Variants in WDR75 observed in about 807,000 individuals in gnomAD.
WDR75 encodes the protein WD repeat-containing protein 75.
Under a neutral mutation model 106.1 loss-of-function variants are expected in WDR75, and 52 were observed. The observed-to-expected ratio is 0.49, with a 90% CI of 0.39 to 0.62. The LOEUF is 0.62. Ranked by LOEUF, WDR75 falls within the 20% of genes least tolerant of loss-of-function variation. WDR75 has a pLI of 0.00. For missense variants in WDR75, 905 were observed against 970.3 expected (o/e 0.93, Z 0.89); for synonymous variants, 333 against 335.5 (o/e 0.99, Z 0.08).
intron 2 of WDR75, chr2:189,450,145 C>A: frequency 1.0e-6 from 1 of 962,950 alleles, no homozygotes; most frequent in Non-Finnish European, 1.2e-6. Context: ...CCTCAGCATC[C>A]AAGCATATTA....
In WDR75 at chr2:189,459,395, T is replaced by G. The variant is rs750383389; in HGVS notation, c.749T>G (p.Met250Arg). The change falls in exon 8 of 21, where the codon ATG (methionine) becomes AGG (arginine). Residue 250 changes from methionine (M) to arginine (R), a missense_variant. Coordinates refer to ENST00000314761, the MANE Select transcript of WDR75 (RefSeq NM_032168.3). The stretch of plus-strand genomic sequence containing the variant: ...ACATGTTTACATTGGCACCATGATA[T>G]GGTTATGGATTTGGCTTTTTCAGTG... Reference protein sequence around the residue: ...TYTCLHWHHDMVMDLAFSVTG... With the variant: ...TYTCLHWHHDRVMDLAFSVTG... 1 of 1,612,526 alleles carries G rather than the reference T, an allele frequency of 6.2e-7. No individual in the cohort carries two copies. The highest frequency in any genetic ancestry group is 1.3e-5 in the African/African-American group (1 of 74,886).
At position 189,475,211 on chromosome 2, in the gene WDR75, A is replaced by T; in HGVS notation, c.2289-2A>T. The T allele has an allele frequency of 6.3e-7, 1 of 1,595,904 alleles. No individual in the cohort carries two copies. The highest frequency in any genetic ancestry group is 8.5e-7 in the Non-Finnish European group (1 of 1,169,862). On this transcript the variant is annotated splice_acceptor_variant, in intron 20 of 20. Coordinates refer to ENST00000314761, the MANE Select transcript of WDR75 (RefSeq NM_032168.3). LOFTEE classifies it high-confidence loss of function. ...TTATATTTTATTCTGTTATTGTTAAAGTGCTAAGGAAATTCCTGAAGATGT... is the reference window on the plus strand; with the variant it reads ...TTATATTTTATTCTGTTATTGTTAATGTGCTAAGGAAATTCCTGAAGATGT...
intron 20 of WDR75, 48 bp downstream of exon 20, chr2:189,474,856 G>A (rs1170543650): frequency 6.8e-7 from 1 of 1,461,244 alleles, no homozygotes; most frequent in Admixed American, 1.7e-5. Context: ...TTGGGAAACA[G>A]GATCGTTTGT....
At chr2:189,467,988 A>G (rs528935769) in intron 14 of WDR75, among the ~76,000 whole-genome samples, 2 of 152,094 alleles carry the variant, frequency 1.3e-5, no homozygotes, top group East Asian at 3.9e-4. Flanking sequence ...CGCCAACCTC[A>G]TTGTTTCCGA....
At chr2:189,473,860 T>C (rs1261736957) in intron 18 of WDR75, among the ~76,000 whole-genome samples, 1 of 152,222 alleles carries the variant, frequency 6.6e-6, no homozygotes, top group East Asian at 1.9e-4. Flanking sequence ...CATGTTACTG[T>C]TAAGGCCTTT....
chr2:189,462,692 G>A, intron 9 of WDR75, 50 bp downstream of exon 9: 1 of 1,556,516 alleles, frequency 6.4e-7, no homozygotes, highest in East Asian at 2.2e-5. Context: ...CCATAAATTA[G>A]CTAGCATCTG....
chr2:189,455,694 A>G, intron 5 of WDR75: 1 of 283,976 alleles, frequency 3.5e-6, no homozygotes, highest in Non-Finnish European at 6.4e-6. Context: ...TTTAGAAATT[A>G]TGGCCTCCCA....
intron 18 of WDR75, among the ~76,000 whole-genome samples, chr2:189,472,867 G>GT (rs1558990459): frequency 6.6e-6 from 1 of 151,860 alleles, no homozygotes; most frequent in Non-Finnish European, 1.5e-5. Context: ...TGTATTATAT[G>GT]TATTATATAC....
chr2:189,455,478 C>A, intron 5 of WDR75, 34 bp downstream of exon 5: 1 of 1,585,246 alleles, frequency 6.3e-7, no homozygotes, highest in East Asian at 2.2e-5. Context: ...CTGTTTTGTA[C>A]CTAAAATTTC....
In WDR75 at chr2:189,458,906, T is replaced by A. The variant is rs757298225; in HGVS notation, c.689+34T>A. On this transcript the variant is annotated intron_variant, in intron 7 of 20. Transcript: ENST00000314761. ...GCTCATGAAGAGCATGGCGATCATT[T>A]ATGTACTATTTTACGTTAGTCCTGT... 197 of 1,580,006 alleles carry A rather than the reference T, an allele frequency of 1.2e-4. 2 individuals are homozygous for A. The South Asian group carries it at 2.2e-3, about 17-fold the overall frequency.
Position 189,441,557 on chromosome 2 carries a change from C to G in WDR75, c.65C>G (p.Ala22Gly). 1.3e-6 allele frequency: 2 copies of G among 1,560,410 alleles called. No individual in the cohort carries two copies. Among genetic ancestry groups the G allele is most frequent in the Non-Finnish European group, 1.7e-6 (2 of 1,151,166 alleles). ...GGCAGCGAGTTGAACTTTAGGAGAG[C>G]TGTGTTCTCTGCAGATTCTAAGTAT... ...CGGSELNFRR[A>G]VFSADSKYIF... Residue 22 changes from alanine (A) to glycine (G), a missense_variant, in exon 1 of 21, where the codon GCT becomes GGT. Physicochemically the swap from Ala to Gly is moderately conservative, Grantham distance 60. Transcript: ENST00000314761.
At chr2:189,466,253 C>T (rs1431984370) in intron 12 of WDR75, among the ~76,000 whole-genome samples, 172 bp from the exon 13 acceptor site, 1 of 152,156 alleles carries the variant, frequency 6.6e-6, no homozygotes, top group East Asian at 1.9e-4. Flanking sequence ...TATTAGAACT[C>T]TTTGCGTCCT....
chr2:189,474,716 G>C lies in WDR75; in HGVS notation c.2197-1G>C. 5.0e-6 allele frequency: 8 copies of C among 1,613,666 alleles called. No homozygotes were observed. Among genetic ancestry groups the C allele is most frequent in the Non-Finnish European group, 6.8e-6 (8 of 1,179,742 alleles). On this transcript the variant is annotated splice_acceptor_variant, in intron 19 of 20. Coordinates refer to ENST00000314761, the MANE Select transcript of WDR75 (RefSeq NM_032168.3). LOFTEE classifies it high-confidence loss of function. ...CAACCGTGTTTTCTGTTTGACTCCA[G>C]CTTCTTCACACTCCAGCCCATGTCC...
At chr2:189,460,510 G>GT (rs776448300) in intron 8 of WDR75, among the ~76,000 whole-genome samples, 6,594 of 144,066 alleles carry the variant, frequency 0.046, 490 homozygotes, top group African/African-American at 0.15. Context: ...CCAGGCAGGG[G>GT]TTTTTTTTTT....
intron 5 of WDR75, 141 bp downstream of exon 5, chr2:189,455,585 T>G: frequency 8.4e-6 from 9 of 1,073,446 alleles, no homozygotes; most frequent in Non-Finnish European, 1.1e-5. Context: ...GCCTCTTCAT[T>G]GCTTTAGCAT....
rs558961298 is a variant in WDR75 at position 189,455,448 on chromosome 2, A to G, written c.498+4A>G. On this transcript the variant is annotated splice_donor_region_variant and intron_variant, in intron 5 of 20. Coordinates refer to ENST00000314761, the MANE Select transcript of WDR75 (RefSeq NM_032168.3). ...GTGCATTGCCTTTGGAAACGAGGTA[A>G]ATTTTGTTTTGTTCGTTTTCTGTTT... 1.2e-6 allele frequency: 2 copies of G among 1,602,302 alleles called. No individual in the cohort carries two copies. Among genetic ancestry groups the G allele is most frequent in the South Asian group, 1.1e-5 (1 of 89,162 alleles).
chr2:189,465,338 T>G, intron 12 of WDR75, 84 bp downstream of exon 12: 1 of 1,365,682 alleles, frequency 7.3e-7, no homozygotes, highest in South Asian at 1.6e-5. Context: ...CTTTAAGATG[T>G]TTCATCTTGA....
In WDR75 at chr2:189,441,531, C is replaced by A; in HGVS notation, c.39C>A (p.Gly13=). ...EEENIRVVRC[G]GSELNFRRAV... ...AGAACATCCGCGTGGTTCGTTGTGG[C>A]GGCAGCGAGTTGAACTTTAGGAGAG... Residue 13 remains glycine, a synonymous_variant, in exon 1 of 21, where the codon GGC becomes GGA. Transcript: ENST00000314761. 6.4e-7 allele frequency: 1 copy of A among 1,565,094 alleles called. No homozygotes were observed. The highest frequency in any genetic ancestry group is 8.7e-7 in the Non-Finnish European group (1 of 1,153,596).
intron 8 of WDR75, among the ~76,000 whole-genome samples, chr2:189,461,030 CAT>C (rs1008072399): frequency 8.5e-5 from 13 of 152,128 alleles, no homozygotes; most frequent in African/African-American, 2.9e-4. Flanking sequence ...CACAATGTAT[CAT>C]ATATGTGTAT....
Sources: gnomAD v4.1 joint callset for allele counts (sites outside exome capture counted in the v4.1 genomes callset) on GRCh38, gnomAD v4.1.1 for gene constraint, MANE v1.5 for transcripts, NCBI Gene and HGNC (gene_info 2026-07-23, HGNC 2026-07-21) for gene names.